GIMAP8: variants seen among roughly 807,000 people sequenced by gnomAD.
The protein encoded by GIMAP8 is GTPase IMAP family member 8.
In GIMAP8, 29 loss-of-function variants were observed where a neutral mutation model predicts 35.6. The ratio of observed to expected loss-of-function variants is 0.81; its 90% CI spans 0.61 to 1.11. The LOEUF (loss-of-function observed/expected upper bound fraction) is 1.11. Among genes scored for constraint, GIMAP8 ranks in the 50% most tolerant of loss-of-function variants. The pLI is 0.00. For synonymous variants in GIMAP8, 335 were observed against 308.7 expected, an observed-to-expected ratio of 1.09 and a Z score of -0.89; for missense variants, 811 against 805.0, an observed-to-expected ratio of 1.01 and a Z score of -0.09.
chr7:150,477,668 G>T lies in GIMAP8; in HGVS notation c.1886G>T (p.Gly629Val), dbSNP rs889114847. The T allele has an allele frequency of 3.1e-6, 5 of 1,614,016 alleles. No homozygotes were observed. Among genetic ancestry groups the T allele is most frequent in the Non-Finnish European group, 4.2e-6 (5 of 1,180,042 alleles). The part of the protein sequence containing the change: ...TKVNDLRKES[G>V]WSGYPHTQEN... ...GTCAATGATCTGAGAAAAGAAAGTG[G>T]GTGGTCCGGGTATCCCCATACACAG... Residue 629 changes from glycine (G) to valine (V), a missense_variant, in exon 5 of 5, where the codon GGG (glycine) becomes GTG (valine). By Grantham distance (109) the Gly-to-Val change is moderately radical. Transcript: ENST00000307271.
chr7:150,457,274 C>T (rs565461221), intron 1 of GIMAP8, among the ~76,000 whole-genome samples: 10 of 152,340 alleles, frequency 6.6e-5, no homozygotes, highest in Middle Eastern at 3.4e-3. Flanking sequence ...AGCGATTTTC[C>T]GCCCTGGGTG....
At position 150,471,149 on chromosome 7, in the gene GIMAP8, C is replaced by G. The variant is rs573422810; in HGVS notation, c.682+275C>G. Reference sequence around the variant, plus strand: ...GCCTCTTGTGTCTTCTTTCCTAACTCAGACTCTTCTTTCTGGCCTTGGATC... The same window carrying G: ...GCCTCTTGTGTCTTCTTTCCTAACTGAGACTCTTCTTTCTGGCCTTGGATC... On this transcript the variant is annotated intron_variant, in intron 3 of 4. Coordinates refer to ENST00000307271, the MANE Select transcript of GIMAP8 (RefSeq NM_175571.4). Among the ~76,000 whole-genome samples the G allele has an allele frequency of 2.6e-5, 4 of 152,296 alleles. No individual in the cohort carries two copies. In the South Asian group the frequency reaches 8.3e-4, roughly 32 times the overall value.
At position 150,467,191 on chromosome 7, in the gene GIMAP8, T is replaced by C. The variant is rs771211629; in HGVS notation, c.493T>C (p.Tyr165His). Residue 165 changes from tyrosine (Y) to histidine (H), a missense_variant, in exon 2 of 5, where the codon TAC (tyrosine) becomes CAC (histidine). Tyr to His is a moderately conservative substitution (Grantham distance 83, BLOSUM62 2). Transcript: ENST00000307271. The part of the protein sequence containing the change: ...KQLVQDYEGR[Y>H]CIFNNKTNSK... ...GTTGGTTCAAGACTATGAGGGCCGA[T>C]ACTGCATTTTCAACAACAAGACCAA... 5 of 1,614,082 alleles carry C rather than the reference T, an allele frequency of 3.1e-6. No individual in the cohort carries two copies. Among genetic ancestry groups the C allele is most frequent in the Non-Finnish European group, 4.2e-6 (5 of 1,180,036 alleles).
At chr7:150,467,438 G>T (rs1585116736) in intron 2 of GIMAP8, 104 bp downstream of exon 2, 20 of 904,094 alleles carry the variant, frequency 2.2e-5, no homozygotes, top group Non-Finnish European at 3.4e-5. Flanking sequence ...TGGAACATGG[G>T]TTTTGTTTAA....
At chr7:150,470,282 A>G (rs538486588) in intron 2 of GIMAP8, among the ~76,000 whole-genome samples, 1 of 152,334 alleles carries the variant, frequency 6.6e-6, no homozygotes, top group East Asian at 1.9e-4. Flanking sequence ...TGAAGATTTA[A>G]CAAAGATAAG....
At chr7:150,459,365 T>C (rs112053047) in intron 1 of GIMAP8, among the ~76,000 whole-genome samples, 1 of 152,006 alleles carries the variant, frequency 6.6e-6, no homozygotes, top group African/African-American at 2.4e-5. Context: ...AATGGAGTCA[T>C]TGTTGTATCT....
Position 150,467,327 on chromosome 7 carries a change from G to A in GIMAP8, c.629G>A (p.Arg210Lys). 1.2e-6 allele frequency: 2 copies of A among 1,607,756 alleles called. No homozygotes were observed. Among genetic ancestry groups the A allele is most frequent in the Non-Finnish European group, 8.5e-7 (1 of 1,175,730 alleles). The change falls in exon 2 of 5, where the codon AGG (arginine) becomes AAG (lysine). Residue 210 changes from arginine (R) to lysine (K), a missense_variant. By Grantham distance (26) the Arg-to-Lys change is conservative. Transcript: ENST00000307271. ...GTGAACTTCAAAACTGAAGGCAGCA[G>A]GTTTCAAGTAAGAATTTTGTTAATA... ...YHVNFKTEGS[R>K]FQDCVNEAAS... is the part of the protein sequence containing the mutation.
At position 150,456,824 on chromosome 7, in the gene GIMAP8, A is replaced by G. The variant is rs532209507; in HGVS notation, c.-29+5649A>G. Among the ~76,000 whole-genome samples, 4 of 152,370 alleles carry G rather than the reference A, an allele frequency of 2.6e-5. No individual in the cohort carries two copies. In the South Asian group the frequency reaches 6.2e-4, roughly 24 times the overall value. On this transcript the variant is annotated intron_variant, in intron 1 of 4. Coordinates refer to ENST00000307271, the MANE Select transcript of GIMAP8 (RefSeq NM_175571.4). ...TAAAATTAGTTGCCTACCTCATACT[A>G]TACACAAAAGCAAATTCCAGAGAGA...
rs763137255 is a variant in GIMAP8 at position 150,466,986 on chromosome 7, T to C, written c.288T>C (p.Ala96=). 22 of 1,614,080 alleles carry C rather than the reference T, an allele frequency of 1.4e-5. No individual in the cohort carries two copies. The highest frequency in any genetic ancestry group is 3.4e-6 in the Non-Finnish European group (4 of 1,180,032). The change falls in exon 2 of 5, where the codon GCT becomes GCC. Residue 96 remains alanine (A), a synonymous_variant. Transcript: ENST00000307271. ...AGCTCTCTGCTCCCAGCCTCCATGC[T>C]CTGCTCTTGGTAATTGCCATCGGCC... The part of the protein sequence containing the change: ...CLELSAPSLH[A]LLLVIAIGHF...
chr7:150,461,881 G>A (rs1232484791), intron 1 of GIMAP8, among the ~76,000 whole-genome samples: 1 of 152,190 alleles, frequency 6.6e-6, no homozygotes, highest in Non-Finnish European at 1.5e-5. Flanking sequence ...CATGTGTAGA[G>A]AGTCCACCAA....
At chr7:150,457,812 T>G (rs1344357309) in intron 1 of GIMAP8, among the ~76,000 whole-genome samples, 2 of 152,224 alleles carry the variant, frequency 1.3e-5, no homozygotes, top group Non-Finnish European at 2.9e-5. Flanking sequence ...CTGATGAGAT[T>G]AAGGTCTGAA....
chr7:150,477,182 G>A lies in GIMAP8; in HGVS notation c.1400G>A (p.Arg467Gln), dbSNP rs750388336. 8.1e-6 allele frequency: 13 copies of A among 1,613,964 alleles called. No individual in the cohort carries two copies. Among genetic ancestry groups the A allele is most frequent in the Admixed American group, 5.0e-5 (3 of 60,000 alleles). ...SILGSLVFTS[R>Q]LRAQPVTKTS... Reference sequence around the variant, plus strand: ...CTGGGGAGCCTCGTCTTCACCTCTCGGCTCCGGGCCCAGCCAGTCACCAAG... The same window carrying A: ...CTGGGGAGCCTCGTCTTCACCTCTCAGCTCCGGGCCCAGCCAGTCACCAAG... Residue 467 changes from arginine (R) to glutamine (Q), a missense_variant, in exon 5 of 5, where the codon CGG becomes CAG. Arg to Gln is a conservative substitution (Grantham distance 43). Coordinates refer to ENST00000307271, the MANE Select transcript of GIMAP8 (RefSeq NM_175571.4).
At position 150,474,482 on chromosome 7, in the gene GIMAP8, C is replaced by A. The variant is rs1005015451; in HGVS notation, c.1153C>A (p.Leu385Ile). 6.2e-7 allele frequency: 1 copy of A among 1,613,794 alleles called. No individual in the cohort carries two copies. Among genetic ancestry groups the A allele is most frequent in the African/African-American group, 1.3e-5 (1 of 74,886 alleles). ...DTFLRNSNKA[L>I]YGLIQKCKNR... is the part of the protein sequence containing the mutation. The stretch of plus-strand genomic sequence containing the variant: ...GTTCTTAAGAAACAGCAATAAAGCT[C>A]TCTATGGTCTCATCCAGAAGTGTAA... Residue 385 changes from leucine to isoleucine, a missense_variant, in exon 4 of 5, where the codon CTC becomes ATC. Physicochemically the swap from Leu to Ile is conservative, Grantham distance 5 (BLOSUM62 2). Coordinates refer to ENST00000307271, the MANE Select transcript of GIMAP8 (RefSeq NM_175571.4).
chr7:150,451,572 A>G lies in GIMAP8; in HGVS notation c.-29+397A>G, dbSNP rs189531009. On this transcript the variant is annotated intron_variant, in intron 1 of 4. Transcript: ENST00000307271. The surrounding 1 kb of genome is among the most constrained non-coding windows in gnomAD (Gnocchi z 4.1). The stretch of plus-strand genomic sequence containing the variant: ...CGGGGAGTGGGTGTGAGCCCTGAAG[A>G]GGAGGAGGGCTGAGACTGGCAGAAG... Among the ~76,000 whole-genome samples, 201 of 152,188 alleles carry G rather than the reference A, an allele frequency of 1.3e-3. 1 individual carries two copies. The highest frequency in any genetic ancestry group is 4.7e-3 in the African/African-American group (196 of 41,516).
Position 150,474,449 on chromosome 7 carries a change from C to T in GIMAP8, c.1120C>T (p.Leu374=). Residue 374 remains leucine (L), a synonymous_variant, in exon 4 of 5, where the codon CTA becomes TTA. Transcript: ENST00000307271. Reference sequence around the variant, plus strand: ...GAAAGAAGATTTAGGGGATCAGGATCTAGATACGTTCTTAAGAAACAGCAA... The same window carrying T: ...GAAAGAAGATTTAGGGGATCAGGATTTAGATACGTTCTTAAGAAACAGCAA... ...TRKEDLGDQD[L]DTFLRNSNKA... is the part of the protein sequence containing the mutation. 6.2e-7 allele frequency: 1 copy of T among 1,613,714 alleles called. No individual in the cohort carries two copies. The highest frequency in any genetic ancestry group is 8.5e-7 in the Non-Finnish European group (1 of 1,179,750).
intron 1 of GIMAP8, among the ~76,000 whole-genome samples, chr7:150,457,017 A>G (rs539077239): frequency 2.6e-5 from 4 of 152,386 alleles, no homozygotes; most frequent in African/African-American, 9.6e-5. Context: ...ACACAGACAC[A>G]GAAACAGAGT....
At chr7:150,453,331 T>G (rs1277497141) in intron 1 of GIMAP8, among the ~76,000 whole-genome samples, 3 of 152,206 alleles carry the variant, frequency 2.0e-5, no homozygotes, top group Non-Finnish European at 4.4e-5. Flanking sequence ...TTCTGAGGTG[T>G]CTGAAGCTGC....
chr7:150,469,761 C>T (rs868667371), intron 2 of GIMAP8, among the ~76,000 whole-genome samples: 1 of 151,918 alleles, frequency 6.6e-6, no homozygotes, highest in African/African-American at 2.4e-5. Flanking sequence ...ATAGTTAGCA[C>T]AGCATCATTT....
intron 3 of GIMAP8, among the ~76,000 whole-genome samples, chr7:150,473,290 G>A (rs555281220): frequency 2.0e-5 from 3 of 152,070 alleles, no homozygotes; most frequent in African/African-American, 7.2e-5. Flanking sequence ...ATTGAGGTAC[G>A]ATTTACACAG....
Sources: gnomAD v4.1 joint callset for allele counts (sites outside exome capture counted in the v4.1 genomes callset) on GRCh38, gnomAD v4.1.1 for gene constraint, Gnocchi (gnomAD v3.1) non-coding constraint, MANE v1.5 for transcripts, NCBI Gene and HGNC (gene_info 2026-07-23, HGNC 2026-07-21) for gene names.